Variants in WASL observed in about 807,000 individuals in gnomAD.
The protein encoded by WASL is WASP like actin nucleation promoting factor, also known as actin nucleation-promoting factor WASL.
A neutral mutation model predicts 55.5 loss-of-function variants in WASL; 20 were observed. The ratio of observed to expected loss-of-function variants is 0.36; its 90% CI spans 0.25 to 0.52. WASL has a LOEUF of 0.52. Among genes scored for constraint, WASL ranks in the 20% least tolerant of loss-of-function variants. WASL has a pLI of 0.92. For synonymous variants in WASL, 249 were observed against 217.6 expected (o/e 1.14, Z -1.27); for missense variants, 504 against 622.5 (o/e 0.81, Z 2.03).
At chr7:123,714,112 C>G (rs1803800953) in intron 1 of WASL, among the ~76,000 whole-genome samples, 1 of 152,152 alleles carries the variant, frequency 6.6e-6, no homozygotes, top group South Asian at 2.1e-4. Context: ...ATGTAGTGAT[C>G]TCATGAAACA....
chr7:123,721,686 G>C (rs1004932143), intron 1 of WASL, among the ~76,000 whole-genome samples: 1 of 152,164 alleles, frequency 6.6e-6, no homozygotes, highest in African/African-American at 2.4e-5. Flanking sequence ...AGCACTTTGG[G>C]AGGCCAAGGA....
At chr7:123,723,655 A>C (rs1803992246) in intron 1 of WASL, among the ~76,000 whole-genome samples, 1 of 152,186 alleles carries the variant, frequency 6.6e-6, no homozygotes, top group South Asian at 2.1e-4. Context: ...CTCTCCCAGG[A>C]ATTTAGAATT....
chr7:123,728,882 C>T (rs541101769), intron 1 of WASL, among the ~76,000 whole-genome samples: 90 of 152,152 alleles, frequency 5.9e-4, no homozygotes, highest in African/African-American at 2.0e-3. Flanking sequence ...ACAAAACAAA[C>T]GAACGAACAA....
At chr7:123,747,284 G>A (rs1302129070) in intron 1 of WASL, among the ~76,000 whole-genome samples, 1 of 152,148 alleles carries the variant, frequency 6.6e-6, no homozygotes, top group African/African-American at 2.4e-5. Context: ...GTGTGTGAAT[G>A]GGGAGGGGCT....
chr7:123,709,892 G>T (rs1803729230), intron 1 of WASL, among the ~76,000 whole-genome samples: 1 of 152,102 alleles, frequency 6.6e-6, no homozygotes, highest in Non-Finnish European at 1.5e-5. Context: ...CTATACTGAG[G>T]ATATGAAAAA....
intron 1 of WASL, among the ~76,000 whole-genome samples, chr7:123,721,360 AG>A (rs1389407388): frequency 1.3e-5 from 2 of 152,196 alleles, no homozygotes; most frequent in African/African-American, 4.8e-5. Flanking sequence ...TGCAAAAGGT[AG>A]GTTACTTTGA....
At chr7:123,734,713 C>T (rs1404823985) in intron 1 of WASL, among the ~76,000 whole-genome samples, 2 of 151,302 alleles carry the variant, frequency 1.3e-5, no homozygotes, top group Admixed American at 6.6e-5. Context: ...GACACTGTAA[C>T]GGTGGACATG....
intron 5 of WASL, among the ~76,000 whole-genome samples, chr7:123,702,381 G>T (rs1289893887): frequency 1.3e-5 from 2 of 152,004 alleles, no homozygotes; most frequent in Non-Finnish European, 2.9e-5. Flanking sequence ...TTCTAAGTGG[G>T]TCTCTTAGTA....
chr7:123,689,296 A>T, intron 9 of WASL, 146 bp from the exon 10 acceptor site: 1 of 588,974 alleles, frequency 1.7e-6, no homozygotes, highest in Non-Finnish European at 3.0e-6. Context: ...AGATTAATCA[A>T]ATTAACAAGA....
chr7:123,748,599 G>A lies in WASL; in HGVS notation c.117+19C>T, dbSNP rs576888906. Reference sequence around the variant, plus strand: ...GTGAGGTAATGTCACGGGTGGCGACGCGGGTCTCGTCCACTGACCACACAT... The same window carrying A: ...GTGAGGTAATGTCACGGGTGGCGACACGGGTCTCGTCCACTGACCACACAT... On this transcript the variant is annotated intron_variant, in intron 1 of 10. Coordinates refer to ENST00000223023, the MANE Select transcript of WASL (RefSeq NM_003941.4). The A allele has an allele frequency of 4.6e-5, 74 of 1,611,166 alleles. 1 individual carries two copies. The African/African-American group carries it at 6.1e-4, about 13-fold the overall frequency.
At chr7:123,695,785 A>T in intron 7 of WASL, 38 bp downstream of exon 7, 6 of 1,594,122 alleles carry the variant, frequency 3.8e-6, no homozygotes, top group Non-Finnish European at 5.1e-6. Context: ...ACATTTCCAC[A>T]TACAGTTATA....
intron 1 of WASL, among the ~76,000 whole-genome samples, chr7:123,720,976 T>A (rs1803934998): frequency 6.6e-6 from 1 of 152,168 alleles, no homozygotes; most frequent in Non-Finnish European, 1.5e-5. Context: ...TAGCAAGAAT[T>A]TTGAGTAGCT....
At chr7:123,691,724 C>T (rs1803412082) in intron 9 of WASL, among the ~76,000 whole-genome samples, 1 of 152,146 alleles carries the variant, frequency 6.6e-6, no homozygotes. Context: ...ATCAGATAAT[C>T]CTAAATTTAT....
chr7:123,717,305 T>C (rs1584866466), intron 1 of WASL, among the ~76,000 whole-genome samples: 1 of 152,246 alleles, frequency 6.6e-6, no homozygotes. Flanking sequence ...TCAGGATCTT[T>C]TACTTCGTAG....
At position 123,748,762 on chromosome 7, in the gene WASL, G is replaced by A. The variant is rs570571205; in HGVS notation, c.-28C>T. ...TTTCGCCGGCGGGGTTGGGAGTCCA[G>A]GGCCGTCTCCTCCGGCGAGTGGGCG... On this transcript the variant is annotated 5_prime_UTR_variant, in exon 1 of 11. Coordinates refer to ENST00000223023, the MANE Select transcript of WASL (RefSeq NM_003941.4). 9 of 1,528,142 alleles carry A rather than the reference G, an allele frequency of 5.9e-6. No homozygotes were observed. Among genetic ancestry groups the A allele is most frequent in the Non-Finnish European group, 7.0e-6 (8 of 1,137,508 alleles). 94.7% of individuals were successfully genotyped at this position (1,528,142 alleles called of 1,614,324 possible).
intron 5 of WASL, among the ~76,000 whole-genome samples, chr7:123,699,261 C>T (rs1161154967): frequency 1.3e-5 from 2 of 152,148 alleles, no homozygotes; most frequent in East Asian, 3.9e-4. Flanking sequence ...GCCTATAATC[C>T]CTGCTACTCA....
At chr7:123,714,246 T>G (rs2116796081) in intron 1 of WASL, among the ~76,000 whole-genome samples, 1 of 152,216 alleles carries the variant, frequency 6.6e-6, no homozygotes, top group Admixed American at 6.5e-5. Context: ...CTGAGAGTGG[T>G]GAGTATCAGT....
At chr7:123,685,818 GTATAAATATATACACC>G (rs1214894046) in intron 10 of WASL, among the ~76,000 whole-genome samples, 1 of 147,512 alleles carries the variant, frequency 6.8e-6, no homozygotes, top group Admixed American at 6.8e-5. Context: ...TATAAAATAT[GTATAAATATATACACC>G]TATAAATATA....
At chr7:123,721,398 T>C (rs1042918600) in intron 1 of WASL, among the ~76,000 whole-genome samples, 1 of 152,156 alleles carries the variant, frequency 6.6e-6, no homozygotes, top group African/African-American at 2.4e-5. Flanking sequence ...ATATGAGCTT[T>C]TGAAGGCATA....
Sources: gnomAD v4.1 joint callset for allele counts (sites outside exome capture counted in the v4.1 genomes callset) on GRCh38, gnomAD v4.1.1 for gene constraint, MANE v1.5 for transcripts, NCBI Gene and HGNC (gene_info 2026-07-23, HGNC 2026-07-21) for gene names.